Variants in CIMIP3 observed in about 807,000 individuals in gnomAD.
CIMIP3 encodes the protein ciliary microtubule inner protein 3, also known as GUCA1A neighbor.
At chr6:42,162,392 G>A in the CIMIP3 span, among the ~76,000 whole-genome samples, 16 of 145,758 alleles carry the variant, frequency 1.1e-4, no homozygotes, top group African/African-American at 2.3e-4. Context: ...TCCAGCCTGG[G>A]CAACAAGAGC....
the CIMIP3 span, chr6:42,163,024 C>T: frequency 2.8e-5 from 20 of 717,184 alleles, no homozygotes; most frequent in South Asian, 4.4e-5. Flanking sequence ...AGCAGGACCT[C>T]GAGCAGTCTC....
the CIMIP3 span, among the ~76,000 whole-genome samples, chr6:42,162,326 A>G: frequency 1.3e-5 from 2 of 151,480 alleles, no homozygotes; most frequent in African/African-American, 2.4e-5. Flanking sequence ...GAGGCAGAAG[A>G]ATCGCTTGAA....
At chr6:42,158,615 G>GTTAC in the CIMIP3 span, among the ~76,000 whole-genome samples, 3 of 152,364 alleles carry the variant, frequency 2.0e-5, no homozygotes, top group East Asian at 3.9e-4. Flanking sequence ...ACTTCTGCAA[G>GTTAC]TTACTTACAT....
chr6:42,159,300 A>C, the CIMIP3 span, among the ~76,000 whole-genome samples: 1 of 152,196 alleles, frequency 6.6e-6, no homozygotes, highest in East Asian at 1.9e-4. Flanking sequence ...CAGCCCAAAG[A>C]GGCAGAGGTA....
the CIMIP3 span, among the ~76,000 whole-genome samples, chr6:42,155,836 G>C: frequency 6.6e-6 from 1 of 152,134 alleles, no homozygotes; most frequent in East Asian, 1.9e-4. Flanking sequence ...AAGTTTGAGT[G>C]CTTAAGAGGT....
the CIMIP3 span, among the ~76,000 whole-genome samples, chr6:42,161,145 A>G: frequency 6.6e-6 from 1 of 152,154 alleles, no homozygotes; most frequent in Admixed American, 6.5e-5. Context: ...CTGAGATTGC[A>G]TCCTTGCACT....
chr6:42,160,336 G>C, the CIMIP3 span, among the ~76,000 whole-genome samples: 1 of 152,150 alleles, frequency 6.6e-6, no homozygotes, highest in African/African-American at 2.4e-5. Flanking sequence ...TCCAGTGCTT[G>C]CCCCTCTGCC....
At chr6:42,158,791 G>A in the CIMIP3 span, among the ~76,000 whole-genome samples, 73,360 of 151,976 alleles carry the variant, frequency 0.48, 18,860 homozygotes, top group East Asian at 0.58. Context: ...TGAGTAAAGA[G>A]TGCCACCCTT....
At chr6:42,162,185 G>A in the CIMIP3 span, among the ~76,000 whole-genome samples, 1 of 149,754 alleles carries the variant, frequency 6.7e-6, no homozygotes, top group Non-Finnish European at 1.5e-5. Context: ...AGGCCGAGGC[G>A]GGTGAATCAC....
At chr6:42,162,715 G>C in the CIMIP3 span, among the ~76,000 whole-genome samples, 6 of 152,166 alleles carry the variant, frequency 3.9e-5, no homozygotes, top group Non-Finnish European at 8.8e-5. Context: ...GCAGAGTTCT[G>C]CAGCAGCAGG....
At chr6:42,162,094 T>C in the CIMIP3 span, among the ~76,000 whole-genome samples, 1 of 86,182 alleles carries the variant, frequency 1.2e-5, no homozygotes, top group Non-Finnish European at 2.4e-5. Context: ...CACATTCTTT[T>C]TTTTTTTTTT....
the CIMIP3 span, chr6:42,162,977 G>C: frequency 1.4e-6 from 1 of 710,936 alleles, no homozygotes. Context: ...ATGCAAGGGG[G>C]TGAAGGCTCC....
the CIMIP3 span, among the ~76,000 whole-genome samples, chr6:42,160,718 G>C: frequency 6.6e-6 from 1 of 152,224 alleles, no homozygotes; most frequent in Non-Finnish European, 1.5e-5. Flanking sequence ...GTCTTCAGTG[G>C]TTCCTGGAGA....
the CIMIP3 span, chr6:42,162,823 T>C: frequency 1.8e-6 from 1 of 566,594 alleles, no homozygotes; most frequent in South Asian, 2.3e-5. Flanking sequence ...TGGGGGCTTC[T>C]GAGCAGTGGC....
chr6:42,162,654 A>T, the CIMIP3 span, among the ~76,000 whole-genome samples: 1 of 151,974 alleles, frequency 6.6e-6, no homozygotes, highest in African/African-American at 2.4e-5. Context: ...GACTGAAGAT[A>T]ATCCCCAGGT....
At chr6:42,163,200 G>T in the CIMIP3 span, 1 of 596,344 alleles carries the variant, frequency 1.7e-6, no homozygotes. Flanking sequence ...GACCACACCC[G>T]CAAGCGCTTT....
the CIMIP3 span, among the ~76,000 whole-genome samples, chr6:42,157,560 T>C: frequency 4.6e-5 from 7 of 151,730 alleles, no homozygotes; most frequent in African/African-American, 1.7e-4. Flanking sequence ...TTTTTTCTTT[T>C]TTTTTTTTTA....
chr6:42,155,954 T>C, the CIMIP3 span, among the ~76,000 whole-genome samples: 2 of 152,200 alleles, frequency 1.3e-5, no homozygotes, highest in Non-Finnish European at 2.9e-5. Flanking sequence ...ACAGAGATTA[T>C]AATTTGCCTA....
chr6:42,162,270 C>T, the CIMIP3 span, among the ~76,000 whole-genome samples: 294 of 150,842 alleles, frequency 1.9e-3, 3 homozygotes, highest in African/African-American at 6.0e-3. Flanking sequence ...AAAAATTAGC[C>T]GGGCGTGGTG....
Sources: allele counts gnomAD v4.1 joint callset (sites outside exome capture counted in the v4.1 genomes callset), GRCh38; gene constraint gnomAD v4.1.1; transcripts MANE v1.5; gene names NCBI Gene and HGNC (gene_info 2026-07-23, HGNC 2026-07-21).